GRM7: variants seen among roughly 807,000 people sequenced by gnomAD.
The protein encoded by GRM7 is glutamate metabotropic receptor 7.
In GRM7, 35 loss-of-function variants were observed where a neutral mutation model predicts 84.5. The observed-to-expected ratio is 0.41, with a 90% CI of 0.32 to 0.55. The LOEUF (loss-of-function observed/expected upper bound fraction) is 0.55, where lower values mean the gene tolerates loss of function less well. Ranked by LOEUF, GRM7 falls within the 20% of genes least tolerant of loss-of-function variation. GRM7 has a pLI of 0.19. For synonymous variants in GRM7, 487 were observed against 455.1 expected (o/e 1.07, Z -0.89); for missense variants, 1,003 against 1,194.6 (o/e 0.84, Z 2.36).
At chr3:7,250,025 G>A (rs78701462) in intron 2 of GRM7, among the ~76,000 whole-genome samples, 631 of 152,296 alleles carry the variant, frequency 4.1e-3, no homozygotes, top group Non-Finnish European at 6.6e-3. Flanking sequence ...TTGGCTAGAA[G>A]TTAGTCGCAC....
chr3:7,497,585 G>T (rs1453295369), intron 7 of GRM7, among the ~76,000 whole-genome samples: 1 of 152,172 alleles, frequency 6.6e-6, no homozygotes, highest in Admixed American at 6.5e-5. Context: ...ATGTCTGCAT[G>T]TTCTTTTTCA....
At chr3:7,438,932 C>T (rs1197366606) in intron 5 of GRM7, among the ~76,000 whole-genome samples, 1 of 152,010 alleles carries the variant, frequency 6.6e-6, no homozygotes, top group African/African-American at 2.4e-5. Context: ...TCCAATATAC[C>T]CATAAGACAT....
intron 4 of GRM7, among the ~76,000 whole-genome samples, chr3:7,413,755 G>A (rs1390004148): frequency 6.6e-6 from 1 of 152,152 alleles, no homozygotes; most frequent in Non-Finnish European, 1.5e-5. Context: ...AGAGGAAATG[G>A]CTTGGTAAGT....
chr3:7,730,441 G>A (rs954210634), intron 9 of GRM7, among the ~76,000 whole-genome samples: 1 of 152,218 alleles, frequency 6.6e-6, no homozygotes. Context: ...CTGACAAATA[G>A]TAGGTGCTCA....
intron 5 of GRM7, among the ~76,000 whole-genome samples, chr3:7,442,353 G>T (rs1697323327): frequency 6.6e-6 from 1 of 152,178 alleles, no homozygotes; most frequent in Admixed American, 6.5e-5. Flanking sequence ...TGTTCTGGGA[G>T]CTTTTGGGCT....
In GRM7 at chr3:6,991,978, GA is replaced by G. The variant is rs796626275; in HGVS notation, c.519+130083del. Among the ~76,000 whole-genome samples the G allele has an allele frequency of 3.0e-3, 429 of 140,938 alleles. 1 individual carries two copies. Among genetic ancestry groups the G allele is most frequent in the African/African-American group, 8.2e-3 (316 of 38,564 alleles). The allele number at this position is 140,938 out of a possible 152,430, so 92.5% of individuals were successfully genotyped here. ...ACCAGTTTGTTTTATGTTCAAAAAG[GA>G]AAAAAAAAAAACTATCAATGCCATC... On this transcript the variant is annotated intron_variant, in intron 1 of 9. Transcript: ENST00000357716.
At chr3:7,469,054 T>C (rs1698582875) in intron 7 of GRM7, among the ~76,000 whole-genome samples, 3 of 152,230 alleles carry the variant, frequency 2.0e-5, no homozygotes, top group African/African-American at 4.8e-5. Flanking sequence ...CCAAGCGTAG[T>C]GCTGAGCATA....
intron 2 of GRM7, among the ~76,000 whole-genome samples, chr3:7,165,657 C>T (rs1322111251): frequency 6.6e-6 from 1 of 152,146 alleles, no homozygotes; most frequent in African/African-American, 2.4e-5. Context: ...GACTTAAATA[C>T]TTACTATCAT....
intron 1 of GRM7, among the ~76,000 whole-genome samples, chr3:7,099,528 GCATTATACATGTA>G (rs1699011715): frequency 2.1e-5 from 3 of 142,700 alleles, no homozygotes; most frequent in African/African-American, 8.1e-5. Flanking sequence ...ATATGTACAC[GCATTATACATGTA>G]CACATATATG....
At chr3:7,523,286 A>C (rs141048068) in intron 7 of GRM7, among the ~76,000 whole-genome samples, 1 of 152,250 alleles carries the variant, frequency 6.6e-6, no homozygotes, top group Non-Finnish European at 1.5e-5. Context: ...CAATTGATAT[A>C]CAGAAAAATT....
At chr3:7,431,489 G>A (rs1696828251) in intron 5 of GRM7, among the ~76,000 whole-genome samples, 1 of 152,086 alleles carries the variant, frequency 6.6e-6, no homozygotes. Context: ...ACTTCTGAAC[G>A]GCATACGCTG....
chr3:7,091,900 G>C (rs1030715622), intron 1 of GRM7, among the ~76,000 whole-genome samples: 1 of 151,336 alleles, frequency 6.6e-6, no homozygotes, highest in Non-Finnish European at 1.5e-5. Context: ...ACATTGCAAT[G>C]ATCACACTGT....
At chr3:7,388,154 T>G (rs779683855) in intron 4 of GRM7, among the ~76,000 whole-genome samples, 3 of 152,168 alleles carry the variant, frequency 2.0e-5, no homozygotes, top group Non-Finnish European at 2.9e-5. Flanking sequence ...TCTGAGAGAT[T>G]ACTGAAGTCA....
intron 1 of GRM7, among the ~76,000 whole-genome samples, chr3:6,885,972 A>C (rs1349488196): frequency 6.6e-6 from 1 of 152,206 alleles, no homozygotes; most frequent in Non-Finnish European, 1.5e-5. Context: ...CTGACATATA[A>C]TTGACAGTTA....
At chr3:7,573,455 G>A (rs3792461) in intron 7 of GRM7, among the ~76,000 whole-genome samples, 4,108 of 152,206 alleles carry the variant, frequency 0.027, 145 homozygotes, top group East Asian at 0.096. Context: ...GTGTGTCTGC[G>A]TGGGGAAAGG....
intron 2 of GRM7, among the ~76,000 whole-genome samples, chr3:7,215,373 A>G (rs930451095): frequency 3.9e-5 from 6 of 152,046 alleles, no homozygotes; most frequent in Admixed American, 3.9e-4. Flanking sequence ...TTAAAAATAA[A>G]TTTCTTGGAG....
At chr3:7,565,861 T>C (rs1246110544) in intron 7 of GRM7, among the ~76,000 whole-genome samples, 1 of 152,222 alleles carries the variant, frequency 6.6e-6, no homozygotes, top group Non-Finnish European at 1.5e-5. Flanking sequence ...AACCTTTATC[T>C]GTTTTGCTCC....
intron 2 of GRM7, among the ~76,000 whole-genome samples, chr3:7,225,398 A>G (rs1207104372): frequency 1.3e-5 from 2 of 148,212 alleles, no homozygotes; most frequent in Non-Finnish European, 3.0e-5. Context: ...TATTATTTAT[A>G]TATGTATAGT....
At chr3:7,377,259 G>GGA (rs1694390645) in intron 4 of GRM7, among the ~76,000 whole-genome samples, 1 of 152,134 alleles carries the variant, frequency 6.6e-6, no homozygotes, top group African/African-American at 2.4e-5. Flanking sequence ...TGTGTAGAGT[G>GGA]GAAGTGTGAC....
Sources: allele counts gnomAD v4.1 joint callset (sites outside exome capture counted in the v4.1 genomes callset), GRCh38; gene constraint gnomAD v4.1.1; transcripts MANE v1.5; gene names NCBI Gene and HGNC (gene_info 2026-07-23, HGNC 2026-07-21).